Variants in IL1RAPL1 observed in about 807,000 individuals in gnomAD.
IL1RAPL1 encodes interleukin 1 receptor accessory protein like 1.
In IL1RAPL1, 3 loss-of-function variants were observed where a neutral mutation model predicts 48.4. The observed-to-expected ratio is 0.06, with a 90% confidence interval of 0.03 to 0.16. The LOEUF (loss-of-function observed/expected upper bound fraction) is 0.16. IL1RAPL1 is among the 10% of genes least tolerant of loss of function. IL1RAPL1 has a pLI of 1.00. For synonymous variants in IL1RAPL1, 185 were observed against 187.7 expected, an observed-to-expected ratio of 0.99 and a Z score of 0.12; for missense variants, 349 against 530.6, an observed-to-expected ratio of 0.66 and a Z score of 3.36.
chrX:29,463,704 G>C (rs1252777531), intron 5 of IL1RAPL1, among the ~76,000 whole-genome samples: 3 of 111,973 alleles, frequency 2.7e-5, no homozygotes, highest in African/African-American at 6.5e-5. Context: ...TTATGAGGTA[G>C]ATTGTGAGCG....
intron 2 of IL1RAPL1, among the ~76,000 whole-genome samples, chrX:29,144,622 AAAAG>A (rs1929310813): frequency 9.2e-6 from 1 of 108,418 alleles, no homozygotes; most frequent in African/African-American, 3.3e-5. Context: ...AAAAAAAAAA[AAAAG>A]GAAAGATCTG....
chrX:29,364,077 A>G (rs746534283), intron 3 of IL1RAPL1, among the ~76,000 whole-genome samples: 9 of 112,790 alleles, frequency 8.0e-5, no homozygotes, highest in Non-Finnish European at 1.7e-4. Context: ...GACTTCAGAA[A>G]TATATTTTTA....
intron 5 of IL1RAPL1, among the ~76,000 whole-genome samples, chrX:29,549,110 C>T (rs1266458212): frequency 2.7e-5 from 3 of 111,861 alleles, no homozygotes; most frequent in Admixed American, 1.9e-4. Flanking sequence ...CTCCTGGTCC[C>T]TGGTTTCTCT....
At chrX:29,545,295 G>A (rs771419010) in intron 5 of IL1RAPL1, among the ~76,000 whole-genome samples, 3 of 110,601 alleles carry the variant, frequency 2.7e-5, no homozygotes, top group African/African-American at 9.9e-5. Flanking sequence ...TAGTTTTCCT[G>A]AGTCTTTTTC....
chrX:29,225,579 C>T (rs1381726539), intron 2 of IL1RAPL1, among the ~76,000 whole-genome samples: 1 of 112,106 alleles, frequency 8.9e-6, no homozygotes, highest in Non-Finnish European at 1.9e-5. Flanking sequence ...TTCATCTCAA[C>T]TCTTCCACTG....
At chrX:29,075,208 A>G (rs753919262) in intron 2 of IL1RAPL1, among the ~76,000 whole-genome samples, 1 of 111,724 alleles carries the variant, frequency 9.0e-6, no homozygotes, top group South Asian at 3.7e-4. Context: ...AAATGCATGT[A>G]TCACAGTTAG....
At position 28,839,333 on chromosome X, in the gene IL1RAPL1, A is replaced by G. The variant is rs191146787; in HGVS notation, c.82+49908A>G. 4.9e-4 allele frequency among the ~76,000 whole-genome samples: 54 copies of G among 110,813 alleles called. 1 individual carries two copies. Among genetic ancestry groups the G allele is most frequent in the Admixed American group, 4.4e-3 (46 of 10,344 alleles). ...TGTATCCTAAGCAAAATATGCTTAGAAGTAAAATTAATATTACCTATGTTT... is the reference window on the plus strand; with the variant it reads ...TGTATCCTAAGCAAAATATGCTTAGGAGTAAAATTAATATTACCTATGTTT... On this transcript the variant is annotated intron_variant, in intron 2 of 10. Transcript: ENST00000378993.
rs191891294 is a variant in IL1RAPL1 at position 28,895,452 on chromosome X, T to C, written c.82+106027T>C. 4.5e-3 allele frequency among the ~76,000 whole-genome samples: 437 copies of C among 96,143 alleles called. 2 individuals are homozygous for C. The highest frequency in any genetic ancestry group is 0.016 in the African/African-American group (418 of 25,563). 83.5% of individuals were successfully genotyped at this position (96,143 alleles called of 115,157 possible). On this transcript the variant is annotated intron_variant, in intron 2 of 10. Transcript: ENST00000378993. The stretch of plus-strand genomic sequence containing the variant: ...CCAAGGAGGGAGTAGAGGCATCTTA[T>C]ACTTGTGGGTTAAGGTGGGGGGATA...
At chrX:29,261,842 A>G (rs959087664) in intron 2 of IL1RAPL1, among the ~76,000 whole-genome samples, 8 of 111,375 alleles carry the variant, frequency 7.2e-5, no homozygotes, top group Non-Finnish European at 1.9e-5. Flanking sequence ...TGAAGTGGCT[A>G]TCCTTCGCTT....
intron 2 of IL1RAPL1, among the ~76,000 whole-genome samples, chrX:29,260,249 A>G (rs1931829239): frequency 8.9e-6 from 1 of 112,702 alleles, no homozygotes; most frequent in Non-Finnish European, 1.9e-5. Context: ...AACTGAGGAT[A>G]AAACTCTAAT....
intron 1 of IL1RAPL1, among the ~76,000 whole-genome samples, chrX:28,716,004 C>A (rs1002752259): frequency 8.9e-6 from 1 of 112,147 alleles, no homozygotes; most frequent in Non-Finnish European, 1.9e-5. Flanking sequence ...GGCTTCATCC[C>A]TGGGATGCAA....
At chrX:28,669,525 A>G (rs1425885536) in intron 1 of IL1RAPL1, among the ~76,000 whole-genome samples, 1 of 108,435 alleles carries the variant, frequency 9.2e-6, no homozygotes. Context: ...AAGCTGAGGC[A>G]GGAGAATCGC....
chrX:29,233,310 A>T lies in IL1RAPL1; in HGVS notation c.83-49628A>T, dbSNP rs751222689. 2.7e-5 allele frequency among the ~76,000 whole-genome samples: 3 copies of T among 111,130 alleles called. No homozygotes were observed. In the South Asian group the frequency reaches 1.1e-3, roughly 43 times the overall value. On this transcript the variant is annotated intron_variant, in intron 2 of 10. Coordinates refer to ENST00000378993, the MANE Select transcript of IL1RAPL1 (RefSeq NM_014271.4). ...CTTCTCTTCTCCAGGATCCTGCTGG[A>T]CATCACTTCCTGATATTCTTCTGGC...
At chrX:29,168,727 A>T (rs902577901) in intron 2 of IL1RAPL1, among the ~76,000 whole-genome samples, 1 of 87,074 alleles carries the variant, frequency 1.1e-5, no homozygotes, top group African/African-American at 3.6e-5. Flanking sequence ...ACAATTGTAT[A>T]TATATATTCA....
At chrX:29,701,346 G>C (rs1343619929) in intron 6 of IL1RAPL1, among the ~76,000 whole-genome samples, 1 of 112,074 alleles carries the variant, frequency 8.9e-6, no homozygotes, top group South Asian at 3.7e-4. Context: ...TAAAATAGGC[G>C]AATATGAATA....
In IL1RAPL1 at chrX:29,188,118, C is replaced by T. The variant is rs898111719; in HGVS notation, c.83-94820C>T. Reference sequence around the variant, plus strand: ...CTTGCTTCCCCAGGAGCCTGCAATACTTACAGCCTCAACCATGTGGTTAAA... The same window carrying T: ...CTTGCTTCCCCAGGAGCCTGCAATATTTACAGCCTCAACCATGTGGTTAAA... On this transcript the variant is annotated intron_variant, in intron 2 of 10. Transcript: ENST00000378993. Among the ~76,000 whole-genome samples, 4 of 111,932 alleles carry T rather than the reference C, an allele frequency of 3.6e-5. No individual in the cohort carries two copies. In the Admixed American group the frequency reaches 3.8e-4, roughly 11 times the overall value.
At chrX:29,771,214 G>A (rs772334459) in intron 6 of IL1RAPL1, among the ~76,000 whole-genome samples, 15 of 112,109 alleles carry the variant, frequency 1.3e-4, no homozygotes, top group Non-Finnish European at 2.4e-4. Context: ...GAGCATGACT[G>A]TGTATCATAG....
chrX:29,048,217 C>T (rs1446198049), intron 2 of IL1RAPL1, among the ~76,000 whole-genome samples: 1 of 112,103 alleles, frequency 8.9e-6, no homozygotes, highest in Non-Finnish European at 1.9e-5. Context: ...CAACTTACTA[C>T]ATAACACCAA....
chrX:29,581,399 C>G (rs1346830272), intron 5 of IL1RAPL1, among the ~76,000 whole-genome samples: 3 of 111,628 alleles, frequency 2.7e-5, no homozygotes, highest in Non-Finnish European at 5.6e-5. Context: ...AGTAGAAGAC[C>G]TGGAAATGAA....
Sources: gnomAD v4.1 joint callset for allele counts (sites outside exome capture counted in the v4.1 genomes callset) on GRCh38, gnomAD v4.1.1 for gene constraint, MANE v1.5 for transcripts, NCBI Gene and HGNC (gene_info 2026-07-23, HGNC 2026-07-21) for gene names.